BACH2: variants seen among roughly 807,000 people sequenced by gnomAD.
BACH2 encodes the protein transcription regulator protein BACH2.
A neutral mutation model predicts 61.8 loss-of-function variants in BACH2; 5 were observed. That is an observed-to-expected ratio of 0.08 (90% CI 0.04 to 0.17). The LOEUF is 0.17. Among genes scored for constraint, BACH2 ranks in the 10% least tolerant of loss-of-function variants. The pLI is 1.00. For synonymous variants in BACH2, 446 were observed against 440.1 expected, an observed-to-expected ratio of 1.01 and a Z score of -0.17; for missense variants, 824 against 1,091.1, an observed-to-expected ratio of 0.76 and a Z score of 3.45.
Position 89,951,235 on chromosome 6 carries a change from G to C in BACH2, c.871C>G (p.Leu291Val), listed in dbSNP as rs61754114. 0.028 allele frequency: 44,493 copies of C among 1,614,114 alleles called. 751 individuals are homozygous for C. The highest frequency in any genetic ancestry group is 0.032 in the Non-Finnish European group (37,522 of 1,180,014). Residue 291 changes from leucine to valine, a missense_variant, in exon 7 of 9, where the codon CTC becomes GTC. Around this residue, in one of 8 missense-constraint regions of BACH2, gnomAD observed 226 missense variants for 228.5 expected, o/e 0.99. Coordinates refer to ENST00000257749, the MANE Select transcript of BACH2 (RefSeq NM_021813.4). This position sits in a 1 kb window ranked among gnomAD's most constrained non-coding sequence, Gnocchi z 6.4. The part of the protein sequence containing the change: ...SEENEEESIT[L>V]CLSGDEPDAK... ...TCAGGCTCATCTCCAGACAGGCAGA[G>C]CGTGATGCTCTCTTCCTCATTCTCT... is the stretch of plus-strand genomic sequence containing the variant.
intron 4 of BACH2, among the ~76,000 whole-genome samples, chr6:90,131,356 G>A (rs1784072020): frequency 1.3e-5 from 2 of 152,116 alleles, no homozygotes; most frequent in Admixed American, 6.6e-5. Flanking sequence ...GTACACTGCC[G>A]GCTGGCTTCA....
At chr6:90,104,658 G>C (rs1176839949) in intron 4 of BACH2, among the ~76,000 whole-genome samples, 2 of 152,218 alleles carry the variant, frequency 1.3e-5, no homozygotes, top group African/African-American at 2.4e-5. Flanking sequence ...CCCAGGGTCA[G>C]TGTATGCCCT....
chr6:90,097,298 C>G (rs990483), intron 4 of BACH2, among the ~76,000 whole-genome samples: 55,211 of 152,092 alleles, frequency 0.36, 11,050 homozygotes, highest in East Asian at 0.73. Context: ...TGAGTTTAAA[C>G]TATGGATCAG....
chr6:90,167,630 G>T (rs974358750), intron 4 of BACH2, among the ~76,000 whole-genome samples: 4 of 152,156 alleles, frequency 2.6e-5, no homozygotes, highest in Non-Finnish European at 1.5e-5. Flanking sequence ...AAATGCTGGG[G>T]TTATAGGCAT....
intron 4 of BACH2, among the ~76,000 whole-genome samples, chr6:90,132,326 C>G (rs1189617884): frequency 6.6e-6 from 1 of 152,186 alleles, no homozygotes; most frequent in South Asian, 2.1e-4. Context: ...ACCCCCTAAA[C>G]AGCTTTGATC....
intron 2 of BACH2, among the ~76,000 whole-genome samples, chr6:90,262,803 C>T (rs903771720): frequency 6.6e-6 from 1 of 152,102 alleles, no homozygotes; most frequent in African/African-American, 2.4e-5. Flanking sequence ...AGCTATTATC[C>T]CAAGGGACAC....
At position 90,066,974 on chromosome 6, in the gene BACH2, T is replaced by C. The variant is rs113721764; in HGVS notation, c.-13+21987A>G. 1.3e-3 allele frequency among the ~76,000 whole-genome samples: 194 copies of C among 152,320 alleles called. 1 individual carries two copies. The highest frequency in any genetic ancestry group is 4.5e-3 in the African/African-American group (189 of 41,578). ...GGCTGGTTGAGAATTATAGAAAGGA[T>C]GGGTGACGTGCATAGCACAGTCCCT... On this transcript the variant is annotated intron_variant, in intron 5 of 8. Coordinates refer to ENST00000257749, the MANE Select transcript of BACH2 (RefSeq NM_021813.4).
At chr6:90,047,294 T>C (rs1298951400) in intron 5 of BACH2, among the ~76,000 whole-genome samples, 2 of 152,158 alleles carry the variant, frequency 1.3e-5, no homozygotes, top group East Asian at 3.9e-4. Flanking sequence ...GGGGCAGAGG[T>C]GGCAGGGGCC....
At chr6:90,039,570 G>A (rs569840934) in intron 5 of BACH2, among the ~76,000 whole-genome samples, 1 of 152,146 alleles carries the variant, frequency 6.6e-6, no homozygotes, top group Non-Finnish European at 1.5e-5. Flanking sequence ...ATTTTCAGTA[G>A]AGACGGGGTT....
At chr6:89,948,551 C>G (rs1425632973) in intron 7 of BACH2, among the ~76,000 whole-genome samples, 3 of 152,118 alleles carry the variant, frequency 2.0e-5, no homozygotes. Flanking sequence ...AGACTGCAGG[C>G]CTTTGTGCTC....
chr6:90,296,285 C>T (rs1258207085), intron 1 of BACH2, among the ~76,000 whole-genome samples, 195 bp downstream of exon 1: 2 of 151,884 alleles, frequency 1.3e-5, no homozygotes, highest in Non-Finnish European at 2.9e-5. Context: ...GGCTCCCACC[C>T]CCTTCCCGTT....
At chr6:90,228,364 G>A (rs548094398) in intron 3 of BACH2, among the ~76,000 whole-genome samples, 2 of 152,326 alleles carry the variant, frequency 1.3e-5, no homozygotes, top group African/African-American at 4.8e-5. Context: ...AGAACCATAG[G>A]TGGATTATTA....
chr6:90,168,544 G>T (rs1014578908), intron 4 of BACH2, among the ~76,000 whole-genome samples: 3 of 152,062 alleles, frequency 2.0e-5, no homozygotes, highest in Non-Finnish European at 4.4e-5. Context: ...ATAGGGGAAG[G>T]TCCGAAAGGA....
At chr6:90,114,055 C>T (rs1024785068) in intron 4 of BACH2, among the ~76,000 whole-genome samples, 3 of 152,064 alleles carry the variant, frequency 2.0e-5, no homozygotes, top group Non-Finnish European at 4.4e-5. Flanking sequence ...AAGCGCAAGA[C>T]CTGATGGATT....
chr6:89,955,048 T>C (rs936044890), intron 6 of BACH2, among the ~76,000 whole-genome samples: 1 of 152,220 alleles, frequency 6.6e-6, no homozygotes, highest in Non-Finnish European at 1.5e-5. Flanking sequence ...AGAATGACCA[T>C]TTACCAAGTA....
chr6:90,267,982 A>T (rs1222276623), intron 2 of BACH2, among the ~76,000 whole-genome samples: 1 of 150,290 alleles, frequency 6.7e-6, no homozygotes, highest in Non-Finnish European at 1.5e-5. Context: ...TTAAGTAAAC[A>T]GCATTTTTTT....
chr6:90,242,700 T>C (rs1480781522), intron 3 of BACH2, among the ~76,000 whole-genome samples: 1 of 152,172 alleles, frequency 6.6e-6, no homozygotes, highest in African/African-American at 2.4e-5. Context: ...ATTTTCAATA[T>C]CTAAAAATCC....
At chr6:90,157,751 A>AGAAAGGG (rs1785043216) in intron 4 of BACH2, among the ~76,000 whole-genome samples, 1 of 152,182 alleles carries the variant, frequency 6.6e-6, no homozygotes, top group Non-Finnish European at 1.5e-5. Flanking sequence ...GGGTTGCACC[A>AGAAAGGG]GCTAGAAAGG....
intron 2 of BACH2, among the ~76,000 whole-genome samples, chr6:90,264,263 A>T (rs1771256339): frequency 6.6e-6 from 1 of 152,140 alleles, no homozygotes; most frequent in Non-Finnish European, 1.5e-5. Context: ...AAATGTTCTT[A>T]TTCTTCAGAA....
Sources: allele counts gnomAD v4.1 joint callset (sites outside exome capture counted in the v4.1 genomes callset), GRCh38; gene constraint gnomAD v4.1.1; regional missense constraint gnomAD v4.1.1; non-coding constraint Gnocchi (gnomAD v3.1); transcripts MANE v1.5; gene names NCBI Gene and HGNC (gene_info 2026-07-23, HGNC 2026-07-21).